The following AP1G1 variants were observed in gnomAD, a reference collection of about 807,000 sequenced individuals.
AP1G1 encodes AP-1 complex subunit gamma-1.
In AP1G1, 7 loss-of-function variants were observed where a neutral mutation model predicts 108.3. The ratio of observed to expected loss-of-function variants is 0.06; its 90% CI spans 0.04 to 0.12. AP1G1 has a LOEUF of 0.12. Ranked by LOEUF, AP1G1 falls within the 10% of genes least tolerant of loss-of-function variation. The pLI, the probability that AP1G1 is intolerant of heterozygous loss-of-function variation, is 1.00. For synonymous variants in AP1G1, 379 were observed against 353.5 expected (o/e 1.07, Z -0.81); for missense variants, 756 against 1,010.7 (o/e 0.75, Z 3.42).
At position 71,744,571 on chromosome 16, in the gene AP1G1, G is replaced by GTTTTT. The variant is rs71856788; in HGVS notation, c.1999+568_1999+572dup. On this transcript the variant is annotated intron_variant, in intron 19 of 22. Transcript: ENST00000299980. ...TTTTTGAGCTTGAAAGAGAAAGTGT[G>GTTTTT]TTTTTTTTTTTTTTTTTTTGGAGAC... 1.6e-3 allele frequency among the ~76,000 whole-genome samples: 186 copies of GTTTTT among 114,370 alleles called. 10 individuals carry two copies. Among genetic ancestry groups the GTTTTT allele is most frequent in the South Asian group, 3.3e-3 (11 of 3,348 alleles). The allele number at this position is 114,370 out of a possible 152,430, so 75.0% of individuals were successfully genotyped here.
At chr16:71,765,197 G>T (rs7195701) in intron 7 of AP1G1, among the ~76,000 whole-genome samples, 1 of 151,988 alleles carries the variant, frequency 6.6e-6, no homozygotes, top group Admixed American at 6.5e-5. Context: ...AAAATGAGCC[G>T]GGCATGGTGG....
chr16:71,740,338 C>T (rs983387279), intron 19 of AP1G1, among the ~76,000 whole-genome samples: 8 of 152,206 alleles, frequency 5.3e-5, no homozygotes, highest in African/African-American at 1.9e-4. Flanking sequence ...TATCTTCAGA[C>T]ACTGCCAACC....
chr16:71,801,990 T>A (rs2032818858), intron 1 of AP1G1, among the ~76,000 whole-genome samples: 1 of 151,386 alleles, frequency 6.6e-6, no homozygotes, highest in South Asian at 2.1e-4. Context: ...ATTTTAGGAT[T>A]AGGGATGTAC....
intron 19 of AP1G1, among the ~76,000 whole-genome samples, chr16:71,741,973 T>C (rs1034848743): frequency 1.3e-5 from 2 of 152,220 alleles, no homozygotes; most frequent in Non-Finnish European, 2.9e-5. Context: ...TTAAATCTAT[T>C]CTGAATTTCT....
At chr16:71,739,363 A>C in intron 19 of AP1G1, 22 bp from the exon 20 acceptor site, 12 of 1,547,596 alleles carry the variant, frequency 7.8e-6, no homozygotes, top group Non-Finnish European at 9.6e-6. Context: ...ATTTTAATGG[A>C]AAGTTAACCT....
At chr16:71,779,542 C>T (rs1403674995) in intron 2 of AP1G1, among the ~76,000 whole-genome samples, 3 of 152,012 alleles carry the variant, frequency 2.0e-5, no homozygotes, top group Admixed American at 1.3e-4. Flanking sequence ...GGTTTTGTCA[C>T]GTTAACCAGG....
At chr16:71,776,287 A>G (rs2031777404) in intron 2 of AP1G1, among the ~76,000 whole-genome samples, 1 of 152,242 alleles carries the variant, frequency 6.6e-6, no homozygotes, top group Non-Finnish European at 1.5e-5. Context: ...CTGAATGACT[A>G]TACTATCACG....
At chr16:71,777,708 C>T (rs955393588) in intron 2 of AP1G1, 25 of 452,472 alleles carry the variant, frequency 5.5e-5, no homozygotes, top group African/African-American at 4.1e-4. Flanking sequence ...TCTTCCTCTT[C>T]GGGCCCGTTC....
At chr16:71,767,281 TAA>T (rs1320538418) in intron 6 of AP1G1, among the ~76,000 whole-genome samples, 2 of 152,152 alleles carry the variant, frequency 1.3e-5, no homozygotes, top group African/African-American at 4.8e-5. Context: ...TGCAAGTTAT[TAA>T]AACTGATGAC....
At chr16:71,801,163 T>C (rs1254865412) in intron 1 of AP1G1, among the ~76,000 whole-genome samples, 1 of 151,560 alleles carries the variant, frequency 6.6e-6, no homozygotes, top group Non-Finnish European at 1.5e-5. Context: ...AAAAATTATC[T>C]GGGTGTGGTG....
rs531161041 is a variant in AP1G1 at position 71,772,673 on chromosome 16, T to G, written c.468+548A>C. On this transcript the variant is annotated intron_variant, in intron 4 of 22. Transcript: ENST00000299980. ...AATGCCAAACAGATCACAGTTTATG[T>G]TCATTTCTTGGACTTCTAAATTCCA... Among the ~76,000 whole-genome samples the G allele has an allele frequency of 3.3e-5, 5 of 152,312 alleles. No homozygotes were observed. The South Asian group carries it at 8.3e-4, about 25-fold the overall frequency.
In AP1G1 at chr16:71,765,537, T is replaced by G; in HGVS notation, c.690A>C (p.Gly230=). The change falls in exon 7 of 23, where the codon GGA becomes GGC. Residue 230 remains glycine (G), a synonymous_variant. Coordinates refer to ENST00000299980, the MANE Select transcript of AP1G1 (RefSeq NM_001128.6). ...VRILKNLIMS[G]YSPEHDVSGI... ...CAGAAACATCATGTTCTGGTGAATATCCGGACATGATGAGGTTCTTTAAAA... is the reference window on the plus strand; with the variant it reads ...CAGAAACATCATGTTCTGGTGAATAGCCGGACATGATGAGGTTCTTTAAAA... 6.2e-7 allele frequency: 1 copy of G among 1,613,668 alleles called. No individual in the cohort carries two copies. The highest frequency in any genetic ancestry group is 8.5e-7 in the Non-Finnish European group (1 of 1,179,768).
intron 2 of AP1G1, among the ~76,000 whole-genome samples, chr16:71,786,742 AG>A (rs2032217448): frequency 1.3e-5 from 2 of 152,086 alleles, no homozygotes; most frequent in African/African-American, 4.8e-5. Context: ...TACAGGCGTG[AG>A]CCACCGCACC....
chr16:71,755,340 G>C (rs750335746), intron 12 of AP1G1, among the ~76,000 whole-genome samples: 43 of 152,056 alleles, frequency 2.8e-4, no homozygotes, highest in Non-Finnish European at 5.1e-4. Context: ...GGGGGGCTGA[G>C]GCAGGAGGAT....
At chr16:71,744,135 T>C (rs1165028401) in intron 19 of AP1G1, among the ~76,000 whole-genome samples, 1 of 151,818 alleles carries the variant, frequency 6.6e-6, no homozygotes, top group Non-Finnish European at 1.5e-5. Context: ...TCCCAGCTAC[T>C]CAGGAGGCTG....
chr16:71,778,504 G>A (rs2031875364), intron 2 of AP1G1, among the ~76,000 whole-genome samples: 1 of 152,038 alleles, frequency 6.6e-6, no homozygotes, highest in African/African-American at 2.4e-5. Context: ...GCAACACGGT[G>A]AAACCCTGTC....
At chr16:71,738,828 A>T in intron 21 of AP1G1, 114 bp downstream of exon 21, 1 of 954,786 alleles carries the variant, frequency 1.0e-6, no homozygotes, top group Non-Finnish European at 1.6e-6. Flanking sequence ...AGTTTGAATT[A>T]AGTCTACAAA....
rs1384207025 is a variant in AP1G1, at chr16:71,739,318, G to A, written c.2023C>T (p.Pro675Ser). The change falls in exon 20 of 23, where the codon CCT becomes TCT. Residue 675 changes from proline to serine, a missense_variant. By Grantham distance (74) the Pro-to-Ser change is moderately conservative. Around this residue, in one of 3 missense-constraint regions of AP1G1, gnomAD observed 357 missense variants for 366.5 expected, o/e 0.97. Transcript: ENST00000299980. ...LTGAPAAAPA[P>S]ASVPQISQPP... is the part of the protein sequence containing the mutation. ...TGGGATATCTGTGGGACTGAGGCAG[G>A]GGCAGGAGCAGCAGCTGGAGCACCT... is the stretch of plus-strand genomic sequence containing the variant. 2 of 1,604,818 alleles carry A rather than the reference G, an allele frequency of 1.2e-6. No homozygotes were observed. The highest frequency in any genetic ancestry group is 1.8e-5 in the Admixed American group (1 of 56,646).
At chr16:71,783,008 G>A (rs1054346458) in intron 2 of AP1G1, among the ~76,000 whole-genome samples, 16 of 152,100 alleles carry the variant, frequency 1.1e-4, no homozygotes, top group African/African-American at 3.1e-4. Context: ...CTAGGCTTAA[G>A]GATAGCTCAT....
Sources: gnomAD v4.1 joint callset for allele counts (sites outside exome capture counted in the v4.1 genomes callset) on GRCh38, gnomAD v4.1.1 for gene constraint, gnomAD v4.1.1 regional missense constraint, MANE v1.5 for transcripts, NCBI Gene and HGNC (gene_info 2026-07-23, HGNC 2026-07-21) for gene names.